The following DUSP22 variants were observed in gnomAD, a reference collection of about 807,000 sequenced individuals.
The protein encoded by DUSP22 is dual specificity phosphatase 22.
A neutral mutation model predicts 24.5 loss-of-function variants in DUSP22; 24 were observed. The observed-to-expected ratio is 0.98, with a 90% CI of 0.71 to 1.38. The LOEUF (loss-of-function observed/expected upper bound fraction) is 1.38, where lower values mean the gene tolerates loss of function less well. Ranked by LOEUF, DUSP22 falls within the 40% of genes most tolerant of loss-of-function variation. DUSP22 has a pLI of 0.00. For missense variants in DUSP22, 330 were observed against 269.2 expected, an observed-to-expected ratio of 1.23 and a Z score of -1.58; for synonymous variants, 160 against 106.4, an observed-to-expected ratio of 1.50 and a Z score of -3.10.
chr6:292,754 C>G (rs1757148428), intron 1 of DUSP22, among the ~76,000 whole-genome samples, 194 bp downstream of exon 1: 1 of 152,272 alleles, frequency 6.6e-6, no homozygotes, highest in African/African-American at 2.4e-5. Flanking sequence ...CCACCCCACC[C>G]GGCTTCCGGG....
chr6:326,729 G>A (rs1311242321), intron 3 of DUSP22, among the ~76,000 whole-genome samples: 3 of 152,308 alleles, frequency 2.0e-5, no homozygotes, highest in Non-Finnish European at 4.4e-5. Flanking sequence ...TTTTTCACAT[G>A]TCACATTGAC....
At chr6:308,399 A>G (rs946345700) in intron 2 of DUSP22, among the ~76,000 whole-genome samples, 68 of 152,398 alleles carry the variant, frequency 4.5e-4, no homozygotes, top group South Asian at 1.2e-3. Context: ...TTAAAGTTCC[A>G]GGGTCATCAC....
chr6:327,576 A>G (rs1332780895), intron 3 of DUSP22, among the ~76,000 whole-genome samples: 1 of 152,300 alleles, frequency 6.6e-6, no homozygotes, highest in Non-Finnish European at 1.5e-5. Flanking sequence ...TCTGGGGTCT[A>G]GTGAGAGAGA....
rs778873892 is a variant in DUSP22 at position 348,827 on chromosome 6, C to T, written c.494C>T (p.Ala165Val). 4 of 1,614,188 alleles carry T rather than the reference C, an allele frequency of 2.5e-6. No individual in the cohort carries two copies. The African/African-American group carries it at 4.0e-5, about 16-fold the overall frequency. Residue 165 changes from alanine to valine, a missense_variant, in exon 7 of 7, where the codon GCC (alanine) becomes GTC (valine). Transcript: ENST00000419235. Reference sequence around the variant, plus strand: ...AGCCCTTTGCAGGATGCAGAAGAAGCCAAAAACATTCTGGGTAAATATAAG... The same window carrying T: ...AGCCCTTTGCAGGATGCAGAAGAAGTCAAAAACATTCTGGGTAAATATAAG... ...GESPLQDAEEAKNILGKYKEQ... is the reference protein window; with the variant it reads ...GESPLQDAEEVKNILGKYKEQ...
At chr6:334,825 C>T (rs3800250) in intron 3 of DUSP22, among the ~76,000 whole-genome samples, 11,744 of 148,786 alleles carry the variant, frequency 0.079, 26 homozygotes, top group East Asian at 0.22. Context: ...GTAGTTGAAA[C>T]TTACTGAAAA....
chr6:315,705 C>T (rs1305349765), intron 3 of DUSP22, among the ~76,000 whole-genome samples: 5 of 152,306 alleles, frequency 3.3e-5, no homozygotes, highest in African/African-American at 1.2e-4. Flanking sequence ...CAAATACCCT[C>T]TTCACACATC....
chr6:324,488 T>C (rs537437423), intron 3 of DUSP22, among the ~76,000 whole-genome samples: 8 of 152,428 alleles, frequency 5.2e-5, no homozygotes, highest in Admixed American at 4.6e-4. Flanking sequence ...GTGTCCCTCC[T>C]GGTGTTGAGG....
intron 1 of DUSP22, among the ~76,000 whole-genome samples, chr6:298,035 G>A (rs576360028): frequency 6.9e-3 from 1,055 of 152,006 alleles, no homozygotes; most frequent in African/African-American, 0.024. Flanking sequence ...TGCAGGAAAT[G>A]AACACTCAGC....
intron 2 of DUSP22, 35 bp downstream of exon 2, chr6:304,696 A>C (rs745467173): frequency 3.7e-6 from 6 of 1,613,004 alleles, no homozygotes; most frequent in Non-Finnish European, 4.2e-6. Context: ...GTGATAAAAT[A>C]CACATAACAT....
Position 349,655 on chromosome 6 carries a change from G to A in DUSP22, c.*704G>A. 3 of 986,352 alleles carry A rather than the reference G, an allele frequency of 3.0e-6. No homozygotes were observed. The highest frequency in any genetic ancestry group is 3.6e-6 in the Non-Finnish European group (3 of 830,606). The allele number at this position is 986,352 out of a possible 1,614,324, so 61.1% of individuals were successfully genotyped here. On this transcript the variant is annotated 3_prime_UTR_variant, in exon 7 of 7. Coordinates refer to ENST00000419235, the MANE Select transcript of DUSP22 (RefSeq NM_001286555.3). The stretch of plus-strand genomic sequence containing the variant: ...TGAGAGACTGCCCTGAGCTGGTCCA[G>A]TGGGCCAGCACTTTATACCAACTCA...
intron 1 of DUSP22, among the ~76,000 whole-genome samples, chr6:296,826 C>T (rs573117660): frequency 6.6e-6 from 1 of 152,418 alleles, no homozygotes; most frequent in East Asian, 1.9e-4. Context: ...GATATGAGGA[C>T]CCTCTGGTTG....
At chr6:344,215 G>A (rs868293763) in intron 4 of DUSP22, among the ~76,000 whole-genome samples, 7 of 150,060 alleles carry the variant, frequency 4.7e-5, no homozygotes, top group Non-Finnish European at 8.8e-5. Flanking sequence ...AGAGAAAAGG[G>A]CAGTCTGAAA....
chr6:311,962 G>C lies in DUSP22; in HGVS notation c.138G>C (p.Glu46Asp). ...ACGATAGTGCCAGGCCTATGTTGGA[G>C]GTAAGAGAGCACCGTGGGGCGTGTG... Reference protein sequence around the residue: ...SVHDSARPMLEGVKYLCIPAA... With the variant: ...SVHDSARPMLDGVKYLCIPAA... The change falls in exon 3 of 7, where the codon GAG (glutamate) becomes GAC (aspartate). Residue 46 changes from glutamate (E) to aspartate (D), a missense_variant and splice_region_variant. By Grantham distance (45) the Glu-to-Asp change is conservative (BLOSUM62 2). Transcript: ENST00000419235. The C allele has an allele frequency of 6.2e-7, 1 of 1,610,846 alleles. No individual in the cohort carries two copies. Among genetic ancestry groups the C allele is most frequent in the Non-Finnish European group, 8.5e-7 (1 of 1,178,246 alleles).
At chr6:310,499 C>T (rs1203920485) in intron 2 of DUSP22, among the ~76,000 whole-genome samples, 5 of 152,412 alleles carry the variant, frequency 3.3e-5, no homozygotes, top group Non-Finnish European at 7.3e-5. Context: ...ATTTAATAGC[C>T]AACTGATAGC....
At position 349,055 on chromosome 6, in the gene DUSP22, C is replaced by CAGGGCGAGGT; in HGVS notation, c.*105_*114dup. The stretch of plus-strand genomic sequence containing the variant: ...GATGAGGACAGGAAAGGGAGATAGC[C>CAGGGCGAGGT]AGGGCGAGGTGGGGCGAGGGCTCCT... On this transcript the variant is annotated 3_prime_UTR_variant, in exon 7 of 7. Transcript: ENST00000419235. 3 of 1,497,088 alleles carry CAGGGCGAGGT rather than the reference C, an allele frequency of 2.0e-6. No homozygotes were observed. Among genetic ancestry groups the CAGGGCGAGGT allele is most frequent in the Non-Finnish European group, 2.7e-6 (3 of 1,122,204 alleles). 92.7% of individuals were successfully genotyped at this position (1,497,088 alleles called of 1,614,324 possible).
chr6:317,662 T>C (rs1163382375), intron 3 of DUSP22, among the ~76,000 whole-genome samples: 2 of 152,300 alleles, frequency 1.3e-5, no homozygotes, highest in Admixed American at 6.5e-5. Flanking sequence ...ACCTGTGCTT[T>C]ATGACGTAAG....
chr6:349,077 T>C lies in DUSP22; in HGVS notation c.*126T>C. Reference sequence around the variant, plus strand: ...AGCCAGGGCGAGGTGGGGCGAGGGCTCCTTCCCCCAAGCAACACCGCCCAG... The same window carrying C: ...AGCCAGGGCGAGGTGGGGCGAGGGCCCCTTCCCCCAAGCAACACCGCCCAG... On this transcript the variant is annotated 3_prime_UTR_variant, in exon 7 of 7. Coordinates refer to ENST00000419235, the MANE Select transcript of DUSP22 (RefSeq NM_001286555.3). The C allele has an allele frequency of 6.1e-6, 9 of 1,472,680 alleles. No individual in the cohort carries two copies. Among genetic ancestry groups the C allele is most frequent in the Middle Eastern group, 2.5e-4 (1 of 4,036 alleles). The allele number at this position is 1,472,680 out of a possible 1,614,324, so 91.2% of individuals were successfully genotyped here.
intron 3 of DUSP22, among the ~76,000 whole-genome samples, chr6:314,982 C>A (rs1758276359): frequency 6.6e-6 from 1 of 152,310 alleles, no homozygotes; most frequent in African/African-American, 2.4e-5. Flanking sequence ...ATAGAAGGTA[C>A]TGTTATCAGG....
At position 349,399 on chromosome 6, in the gene DUSP22, G is replaced by C. The variant is rs371567086; in HGVS notation, c.*448G>C. 69 of 1,019,706 alleles carry C rather than the reference G, an allele frequency of 6.8e-5. No homozygotes were observed. The highest frequency in any genetic ancestry group is 7.9e-5 in the Non-Finnish European group (67 of 851,294). The allele number at this position is 1,019,706 out of a possible 1,614,324, so 63.2% of individuals were successfully genotyped here. ...CAGAATTCATATTGCTGCCCGGGTT[G>C]GTGTGGCCACCTTTCCCTTTGTCCA... On this transcript the variant is annotated 3_prime_UTR_variant, in exon 7 of 7. Transcript: ENST00000419235.
Sources: allele counts gnomAD v4.1 joint callset (sites outside exome capture counted in the v4.1 genomes callset), GRCh38; gene constraint gnomAD v4.1.1; transcripts MANE v1.5; gene names NCBI Gene and HGNC (gene_info 2026-07-23, HGNC 2026-07-21).